Variants in WDPCP observed in about 807,000 individuals in gnomAD.
The protein encoded by WDPCP is WD repeat containing planar cell polarity effector.
In WDPCP, 71 loss-of-function variants were observed where a neutral mutation model predicts 93.1. That is an observed-to-expected ratio of 0.76 (90% CI 0.63 to 0.93). WDPCP has a LOEUF of 0.93. Among genes scored for constraint, WDPCP ranks in the 40% least tolerant of loss-of-function variants. The probability of loss-of-function intolerance (pLI) is 0.00; values close to 1 mark genes in which losing one functional copy is unlikely to be tolerated. For synonymous variants in WDPCP, 315 were observed against 315.0 expected (o/e 1.00, Z 0.00); for missense variants, 844 against 887.4 (o/e 0.95, Z 0.62).
At chr2:63,487,075 C>T (rs2105918314) in intron 3 of WDPCP, among the ~76,000 whole-genome samples, 1 of 152,112 alleles carries the variant, frequency 6.6e-6, no homozygotes, top group Non-Finnish European at 1.5e-5. Context: ...GAAAATTGAT[C>T]ATTCACTCAG....
intron 6 of WDPCP, among the ~76,000 whole-genome samples, chr2:63,458,228 G>A (rs1402581643): frequency 1.8e-4 from 25 of 136,784 alleles, no homozygotes; most frequent in South Asian, 2.3e-4. Context: ...AGTCAGGCAA[G>A]AAAAAAAAAA....
At position 63,349,992 on chromosome 2, in the gene WDPCP, G is replaced by A. The variant is rs187888033; in HGVS notation, c.1748+28394C>T. On this transcript the variant is annotated intron_variant, in intron 12 of 17. Transcript: ENST00000272321. ...TCTCCTTAATACTGTGTGCTTCTCC[G>A]TATGTTTACTGCGGCACTATTCACA... Among the ~76,000 whole-genome samples the A allele has an allele frequency of 2.0e-3, 298 of 151,892 alleles. 1 individual carries two copies. The highest frequency in any genetic ancestry group is 5.7e-3 in the African/African-American group (235 of 41,444).
At chr2:63,657,446 T>C (rs924468872) in intron 2 of WDPCP, among the ~76,000 whole-genome samples, 2 of 152,122 alleles carry the variant, frequency 1.3e-5, no homozygotes, top group Non-Finnish European at 2.9e-5. Context: ...GACCTCGTGA[T>C]CTGCCCGCCT....
At chr2:63,614,042 C>T (rs2106633726) in intron 3 of WDPCP, among the ~76,000 whole-genome samples, 1 of 152,250 alleles carries the variant, frequency 6.6e-6, no homozygotes, top group Non-Finnish European at 1.5e-5. Context: ...ATATAAGAAC[C>T]TCCGTTCACA....
At chr2:63,630,435 T>G (rs928812423) in intron 3 of WDPCP, among the ~76,000 whole-genome samples, 1 of 151,542 alleles carries the variant, frequency 6.6e-6, no homozygotes, top group Non-Finnish European at 1.5e-5. Flanking sequence ...AGTAAAAGAA[T>G]GAAAAAAGAT....
chr2:63,666,787 A>G (rs923925450), intron 2 of WDPCP, among the ~76,000 whole-genome samples: 50 of 152,100 alleles, frequency 3.3e-4, no homozygotes, highest in Non-Finnish European at 4.4e-5. Flanking sequence ...CCTTACCACA[A>G]ATCCTACCCC....
At chr2:63,603,300 G>T (rs1294365704) in intron 3 of WDPCP, among the ~76,000 whole-genome samples, 1 of 152,142 alleles carries the variant, frequency 6.6e-6, no homozygotes, top group Non-Finnish European at 1.5e-5. Flanking sequence ...TCAGTTTGGA[G>T]CTGTTATTAC....
At chr2:63,428,065 G>A (rs13020863) in intron 9 of WDPCP, among the ~76,000 whole-genome samples, 58,915 of 151,496 alleles carry the variant, frequency 0.39, 11,750 homozygotes, top group Non-Finnish European at 0.42. Context: ...AATGTGTTCC[G>A]AAATTGAATC....
Position 63,534,212 on chromosome 2 carries a change from ATAAT to A in WDPCP, c.76-41276_76-41273del, listed in dbSNP as rs1471798308. 2.6e-5 allele frequency among the ~76,000 whole-genome samples: 4 copies of A among 152,222 alleles called. No homozygotes were observed. In the East Asian group the frequency reaches 7.7e-4, roughly 29 times the overall value. ...AATAACAGGCTCTGAAATTGAGGCAATAATTAATAGCTTACCAACTAAAAAACTC... is the reference window on the plus strand; with the variant it reads ...AATAACAGGCTCTGAAATTGAGGCAATAATAGCTTACCAACTAAAAAACTC... On this transcript the variant is annotated intron_variant, in intron 1 of 17. Transcript: ENST00000272321.
chr2:63,798,272 A>C (rs1670643898), intron 2 of WDPCP, among the ~76,000 whole-genome samples: 1 of 152,200 alleles, frequency 6.6e-6, no homozygotes, highest in Admixed American at 6.5e-5. Flanking sequence ...AGAAAAACGC[A>C]GACTATTATA....
At position 63,246,522 on chromosome 2, in the gene WDPCP, C is replaced by T. The variant is rs557329990; in HGVS notation, c.1915+12785G>A. ...TGAAGAGTAAATATAAAAACACTTT[C>T]TTAAAGAGCATCCTATCAGCAGTGA... On this transcript the variant is annotated intron_variant, in intron 14 of 17. Transcript: ENST00000272321. Among the ~76,000 whole-genome samples the T allele has an allele frequency of 2.5e-4, 38 of 152,280 alleles. 1 individual carries two copies. In the South Asian group the frequency reaches 7.7e-3, roughly 31 times the overall value.
intron 2 of WDPCP, among the ~76,000 whole-genome samples, chr2:63,704,645 A>G (rs1669119805): frequency 6.6e-6 from 1 of 152,200 alleles, no homozygotes; most frequent in South Asian, 2.1e-4. Context: ...CCAGGGATGA[A>G]GCCCACTTGA....
At chr2:63,544,901 T>G (rs995004648) in intron 1 of WDPCP, among the ~76,000 whole-genome samples, 1 of 152,182 alleles carries the variant, frequency 6.6e-6, no homozygotes, top group Non-Finnish European at 1.5e-5. Context: ...ATGTACCTGA[T>G]TATTACTAAT....
chr2:63,763,659 G>C (rs562716894), intron 2 of WDPCP, among the ~76,000 whole-genome samples: 1 of 152,074 alleles, frequency 6.6e-6, no homozygotes, highest in Non-Finnish European at 1.5e-5. Flanking sequence ...CGGAAATGTA[G>C]CACAAAAAAG....
chr2:63,760,586 C>A (rs1434760615), intron 2 of WDPCP, among the ~76,000 whole-genome samples: 1 of 151,590 alleles, frequency 6.6e-6, no homozygotes, highest in African/African-American at 2.4e-5. Context: ...CTCATTTTCC[C>A]CTCCTCCTAG....
chr2:63,660,145 T>C (rs1710211131), intron 2 of WDPCP, among the ~76,000 whole-genome samples: 1 of 152,210 alleles, frequency 6.6e-6, no homozygotes, highest in South Asian at 2.1e-4. Context: ...TTAGATATTT[T>C]GGAGTTGATT....
intron 3 of WDPCP, among the ~76,000 whole-genome samples, chr2:63,645,423 A>G (rs981441875): frequency 6.6e-6 from 1 of 152,182 alleles, no homozygotes; most frequent in African/African-American, 2.4e-5. Flanking sequence ...ATGATCTAAC[A>G]TATGGTTTAC....
intron 6 of WDPCP, among the ~76,000 whole-genome samples, chr2:63,478,104 T>A (rs1700070787): frequency 6.6e-6 from 1 of 152,130 alleles, no homozygotes; most frequent in African/African-American, 2.4e-5. Context: ...TGACATTATA[T>A]AATGATAAAA....
chr2:63,155,008 G>A (rs1260506059), intron 15 of WDPCP, among the ~76,000 whole-genome samples: 1 of 152,098 alleles, frequency 6.6e-6, no homozygotes, highest in Non-Finnish European at 1.5e-5. Flanking sequence ...TTACTGTTGA[G>A]CTTTGAGAGT....
Sources: allele counts gnomAD v4.1 joint callset (sites outside exome capture counted in the v4.1 genomes callset), GRCh38; gene constraint gnomAD v4.1.1; transcripts MANE v1.5; gene names NCBI Gene and HGNC (gene_info 2026-07-23, HGNC 2026-07-21).